Variants in BLNK observed in about 807,000 individuals in gnomAD.
BLNK encodes the protein B cell linker.
In BLNK, 29 loss-of-function variants were observed where a neutral mutation model predicts 73.5. That is an observed-to-expected ratio of 0.39 (90% CI 0.29 to 0.54). BLNK has a LOEUF of 0.54. Ranked by LOEUF, BLNK falls within the 20% of genes least tolerant of loss-of-function variation. BLNK has a pLI of 0.61. For synonymous variants in BLNK, 176 were observed against 200.8 expected (o/e 0.88, Z 1.04); for missense variants, 460 against 562.8 (o/e 0.82, Z 1.85).
intron 16 of BLNK, among the ~76,000 whole-genome samples, chr10:96,195,604 A>G (rs1472007583): frequency 1.3e-5 from 2 of 152,238 alleles, no homozygotes; most frequent in Non-Finnish European, 2.9e-5. Flanking sequence ...GGTATCTAAA[A>G]TATTCAAATT....
At chr10:96,199,640 C>CA (rs2083574942) in intron 15 of BLNK, 1 of 405,706 alleles carries the variant, frequency 2.5e-6, no homozygotes, top group Non-Finnish European at 5.0e-6. Flanking sequence ...CTTGTATCTA[C>CA]ACTTGTTGCA....
chr10:96,236,855 G>A (rs901432511), intron 3 of BLNK, among the ~76,000 whole-genome samples: 5 of 151,894 alleles, frequency 3.3e-5, no homozygotes, highest in African/African-American at 7.3e-5. Context: ...ACTTATCATC[G>A]TAGAAACTCC....
chr10:96,194,628 G>T (rs1307682318), intron 16 of BLNK, among the ~76,000 whole-genome samples: 1 of 151,904 alleles, frequency 6.6e-6, no homozygotes, highest in African/African-American at 2.4e-5. Flanking sequence ...GAAACATAAA[G>T]AACTCCTAAA....
At position 96,189,670 on chromosome 10, in the gene BLNK, GC is replaced by G; in HGVS notation, c.*2302del. On this transcript the variant is annotated 3_prime_UTR_variant, in exon 17 of 17. Transcript: ENST00000224337. Reference sequence around the variant, plus strand: ...GGAGTATGTAGATTTCTTCAATGGTGCTTTTTCTTCAGTTTCCTCATCATCA... The same window carrying G: ...GGAGTATGTAGATTTCTTCAATGGTGTTTTTCTTCAGTTTCCTCATCATCA... 1.4e-6 allele frequency: 1 copy of G among 718,730 alleles called. No homozygotes were observed. Among genetic ancestry groups the G allele is most frequent in the South Asian group, 1.4e-5 (1 of 72,980 alleles). 44.5% of individuals were successfully genotyped at this position (718,730 alleles called of 1,614,324 possible).
At chr10:96,226,281 G>A (rs1403625671) in intron 5 of BLNK, among the ~76,000 whole-genome samples, 2 of 152,246 alleles carry the variant, frequency 1.3e-5, no homozygotes, top group African/African-American at 4.8e-5. Flanking sequence ...TCAGTGCTTA[G>A]CATAGTTCTG....
At chr10:96,215,195 T>G in intron 8 of BLNK, 126 bp downstream of exon 8, 2 of 1,053,994 alleles carry the variant, frequency 1.9e-6, no homozygotes, top group Non-Finnish European at 2.9e-6. Context: ...TGCATGAGGA[T>G]GAGGACTGGC....
At chr10:96,206,951 A>C (rs1214440385) in intron 11 of BLNK, 60 bp downstream of exon 11, 2 of 1,518,006 alleles carry the variant, frequency 1.3e-6, no homozygotes, top group Non-Finnish European at 9.1e-7. Flanking sequence ...GTGTACATAC[A>C]AATCCTTAAT....
chr10:96,217,764 T>C (rs2084102697), intron 6 of BLNK, among the ~76,000 whole-genome samples: 1 of 152,232 alleles, frequency 6.6e-6, no homozygotes, highest in Non-Finnish European at 1.5e-5. Context: ...ACTTTTTTAC[T>C]TTCTTATTGG....
In BLNK at chr10:96,242,724, A is replaced by T. The variant is rs1842917818; in HGVS notation, c.163+11T>A. On this transcript the variant is annotated intron_variant, in intron 3 of 16. Coordinates refer to ENST00000224337, the MANE Select transcript of BLNK (RefSeq NM_013314.4). ...TCAAGAGTCAGTTAAAGTATCTGAG[A>T]AATACCTTACCTGAAGCGTAGTCCC... 6.2e-7 allele frequency: 1 copy of T among 1,612,674 alleles called. No individual in the cohort carries two copies.
chr10:96,214,052 G>A (rs3789926), intron 8 of BLNK, among the ~76,000 whole-genome samples: 90,799 of 152,096 alleles, frequency 0.6, 27,318 homozygotes, highest in Middle Eastern at 0.7. Context: ...TTCATTTTCT[G>A]TGAAGGAGCC....
At chr10:96,212,954 T>C (rs782308278) in intron 8 of BLNK, among the ~76,000 whole-genome samples, 2 of 152,382 alleles carry the variant, frequency 1.3e-5, no homozygotes, top group African/African-American at 4.8e-5. Context: ...TACTCCCACC[T>C]GTATGTGATA....
intron 5 of BLNK, among the ~76,000 whole-genome samples, chr10:96,227,086 T>G (rs1842297761): frequency 6.6e-6 from 1 of 152,230 alleles, no homozygotes; most frequent in East Asian, 1.9e-4. Context: ...ATCTCAGGGT[T>G]GCTTTCCCTT....
intron 3 of BLNK, among the ~76,000 whole-genome samples, chr10:96,242,397 T>G (rs951791633): frequency 1.3e-5 from 2 of 152,252 alleles, no homozygotes; most frequent in African/African-American, 4.8e-5. Context: ...GAAAACAGAC[T>G]AATACAATAA....
Position 96,200,150 on chromosome 10 carries a change from G to T in BLNK, c.1020C>A (p.Gly340=), listed in dbSNP as rs375535673. ...SNSTISEQEA[G]VLCKPWYAGA... The stretch of plus-strand genomic sequence containing the variant: ...CAGCATACCATGGCTTGCAGAGAAC[G>T]CCAGCTTCCTGTGAAATGGAGGGCA... Residue 340 remains glycine, a synonymous_variant, in exon 15 of 17, where the codon GGC becomes GGA. Coordinates refer to ENST00000224337, the MANE Select transcript of BLNK (RefSeq NM_013314.4). The surrounding 1 kb of genome is among the most constrained non-coding windows in gnomAD (Gnocchi z 4.3). 10 of 1,613,802 alleles carry T rather than the reference G, an allele frequency of 6.2e-6. No individual in the cohort carries two copies. Among genetic ancestry groups the T allele is most frequent in the Non-Finnish European group, 8.5e-6 (10 of 1,179,954 alleles).
At chr10:96,194,154 G>A (rs1461697508) in intron 16 of BLNK, among the ~76,000 whole-genome samples, 4 of 152,080 alleles carry the variant, frequency 2.6e-5, no homozygotes, top group Non-Finnish European at 1.5e-5. Context: ...AGCCCCTCAG[G>A]GAGTTCAAAA....
intron 8 of BLNK, chr10:96,210,142 C>T (rs1344122941): frequency 3.5e-6 from 2 of 566,606 alleles, no homozygotes; most frequent in Non-Finnish European, 3.2e-6. Flanking sequence ...GTTAGGGACT[C>T]CACCTTAACA....
chr10:96,239,991 T>C (rs1338801691), intron 3 of BLNK, among the ~76,000 whole-genome samples: 1 of 152,164 alleles, frequency 6.6e-6, no homozygotes, highest in Non-Finnish European at 1.5e-5. Context: ...GTGGCAAATA[T>C]TCCTGCACAT....
chr10:96,259,246 C>A (rs1247181311), intron 1 of BLNK, among the ~76,000 whole-genome samples: 11 of 152,234 alleles, frequency 7.2e-5, no homozygotes, highest in African/African-American at 2.4e-4. Context: ...TGTGCCCCCA[C>A]CCCTGCCTTG....
chr10:96,250,810 A>G (rs1591358583), intron 1 of BLNK, among the ~76,000 whole-genome samples: 1 of 152,242 alleles, frequency 6.6e-6, no homozygotes, highest in South Asian at 2.1e-4. Flanking sequence ...TTTATTGTGT[A>G]TTATTATAAC....
Sources: gnomAD v4.1 joint callset for allele counts (sites outside exome capture counted in the v4.1 genomes callset) on GRCh38, gnomAD v4.1.1 for gene constraint, Gnocchi (gnomAD v3.1) non-coding constraint, MANE v1.5 for transcripts, NCBI Gene and HGNC (gene_info 2026-07-23, HGNC 2026-07-21) for gene names.